The following MTRFR variants were observed in gnomAD, a reference collection of about 807,000 sequenced individuals.
The protein encoded by MTRFR is mitochondrial translation release factor in rescue, also known as probable peptide chain release factor C12orf65, mitochondrial.
A neutral mutation model predicts 11.9 loss-of-function variants in MTRFR; 10 were observed. That is an observed-to-expected ratio of 0.84 (90% CI 0.52 to 1.42). The LOEUF (loss-of-function observed/expected upper bound fraction) is 1.42, where lower values mean the gene tolerates loss of function less well. Ranked by LOEUF, MTRFR falls within the 40% of genes most tolerant of loss-of-function variation. The pLI is 0.00. For synonymous variants in MTRFR, 77 were observed against 79.1 expected (o/e 0.97, Z 0.14); for missense variants, 196 against 197.9 (o/e 0.99, Z 0.06).
chr12:123,255,199 GA>G (rs776156950), intron 2 of MTRFR, among the ~76,000 whole-genome samples: 11 of 152,094 alleles, frequency 7.2e-5, no homozygotes, highest in Non-Finnish European at 1.3e-4. Context: ...GAGGCTAAGT[GA>G]CCTGCCCAAG....
intron 1 of MTRFR, among the ~76,000 whole-genome samples, chr12:123,253,107 TGAGACACTGTCTCGC>T (rs2048136281): frequency 4.7e-5 from 3 of 63,312 alleles, no homozygotes; most frequent in Non-Finnish European, 6.8e-5. Context: ...TTTTTTTTTT[TGAGACACTGTCTCGC>T]TCTGTTGTCC....
upstream of MTRFR, chr12:123,232,999 G>C (rs1169774353): frequency 6.6e-6 from 1 of 152,348 alleles, no homozygotes; most frequent in African/African-American, 2.4e-5. Flanking sequence ...TCAAGGGGCC[G>C]CTAAGACAGT....
chr12:123,245,279 T>C (rs1180848781), intron 1 of MTRFR, among the ~76,000 whole-genome samples: 1 of 152,204 alleles, frequency 6.6e-6, no homozygotes, highest in Non-Finnish European at 1.5e-5. Flanking sequence ...TTTTGGTGAC[T>C]ATGGCCTTAT....
At chr12:123,247,858 T>C (rs1196639088) in intron 1 of MTRFR, among the ~76,000 whole-genome samples, 2 of 151,742 alleles carry the variant, frequency 1.3e-5, no homozygotes, top group African/African-American at 4.9e-5. Flanking sequence ...GGCAGGAGAA[T>C]GGCATGAACC....
intron 2 of MTRFR, chr12:123,255,109 A>T (rs2048169174): frequency 6.6e-6 from 1 of 152,200 alleles, no homozygotes; most frequent in South Asian, 2.1e-4. Context: ...AACTGTTCGA[A>T]GCAGCATTAA....
chr12:123,246,308 C>T (rs903527297), intron 1 of MTRFR, among the ~76,000 whole-genome samples: 1 of 152,192 alleles, frequency 6.6e-6, no homozygotes, highest in African/African-American at 2.4e-5. Context: ...ACTCCTCGGC[C>T]TCCCAAAGTG....
At chr12:123,244,959 T>TTTTTTTC (rs1355776573) in intron 1 of MTRFR, among the ~76,000 whole-genome samples, 1 of 96,232 alleles carries the variant, frequency 1.0e-5, no homozygotes. Flanking sequence ...TTTTTTTTTT[T>TTTTTTTC]TAGACAGAGT....
chr12:123,234,836 G>C (rs1260612939), intron 1 of MTRFR, among the ~76,000 whole-genome samples: 3 of 152,168 alleles, frequency 2.0e-5, no homozygotes, highest in African/African-American at 7.2e-5. Context: ...GAACCTGCTG[G>C]GAAGTCAGGC....
chr12:123,235,618 T>G (rs1377979082), intron 1 of MTRFR, among the ~76,000 whole-genome samples: 2 of 150,748 alleles, frequency 1.3e-5, no homozygotes, highest in Non-Finnish European at 3.0e-5. Flanking sequence ...ATGATCCACC[T>G]GCCTCGGCCT....
At chr12:123,234,455 G>T (rs2047802210) in intron 1 of MTRFR, among the ~76,000 whole-genome samples, 1 of 152,172 alleles carries the variant, frequency 6.6e-6, no homozygotes, top group African/African-American at 2.4e-5. Flanking sequence ...GAGGGCAGTG[G>T]CGCGATCTCG....
intron 1 of MTRFR, among the ~76,000 whole-genome samples, chr12:123,244,959 T>TTTTTC (rs1355776573): frequency 3.0e-4 from 29 of 96,330 alleles, no homozygotes; most frequent in African/African-American, 8.9e-4. Context: ...TTTTTTTTTT[T>TTTTTC]TAGACAGAGT....
intron 2 of MTRFR, among the ~76,000 whole-genome samples, chr12:123,256,594 G>A (rs1180803768): frequency 2.0e-5 from 3 of 152,126 alleles, no homozygotes; most frequent in Admixed American, 2.0e-4. Context: ...TACTTGGGAG[G>A]CTGAGGCAGG....
intron 1 of MTRFR, chr12:123,249,196 A>AG (rs1435383755): frequency 6.6e-6 from 1 of 152,056 alleles, no homozygotes; most frequent in African/African-American, 2.4e-5. Context: ...GTATTTATAA[A>AG]CCTTTAGCTA....
At chr12:123,254,213 C>G in intron 2 of MTRFR, 1 of 501,448 alleles carries the variant, frequency 2.0e-6, no homozygotes, top group South Asian at 2.4e-5. Flanking sequence ...TGGCTGCCAT[C>G]CTTGAATTTG....
chr12:123,252,584 A>G (rs1593286379), intron 1 of MTRFR: 1 of 145,314 alleles, frequency 6.9e-6, no homozygotes. Flanking sequence ...ATTGATAGTG[A>G]TGTTTACTAT....
intron 1 of MTRFR, among the ~76,000 whole-genome samples, chr12:123,243,324 A>G (rs943293474): frequency 6.6e-6 from 1 of 152,022 alleles, no homozygotes; most frequent in Non-Finnish European, 1.5e-5. Flanking sequence ...AGGTCAGGAA[A>G]TCGAGAACAG....
intron 1 of MTRFR, chr12:123,252,027 A>T (rs1387274794): frequency 2.6e-5 from 4 of 152,314 alleles, no homozygotes; most frequent in Non-Finnish European, 4.4e-5. Context: ...CAGAGAGTCT[A>T]GGCCCATCTC....
chr12:123,233,091 C>T (rs1048470973), upstream of MTRFR: 7 of 152,444 alleles, frequency 4.6e-5, no homozygotes, highest in African/African-American at 1.7e-4. Context: ...GCCGCTCCCG[C>T]TGCCGATGTC....
chr12:123,233,396 A>C (rs1033674963), upstream of MTRFR: 3 of 152,238 alleles, frequency 2.0e-5, no homozygotes, highest in Non-Finnish European at 2.9e-5. Flanking sequence ...AGTAAACATG[A>C]GCCTCTGGTA....
Sources: allele counts gnomAD v4.1 joint callset (sites outside exome capture counted in the v4.1 genomes callset), GRCh38; gene constraint gnomAD v4.1.1; transcripts MANE v1.5; gene names NCBI Gene and HGNC (gene_info 2026-07-23, HGNC 2026-07-21).